Variants in PTGR2 observed in about 807,000 individuals in gnomAD.
PTGR2 encodes the protein prostaglandin reductase 2, also known as 15-oxoprostaglandin 13-reductase.
PTGR2 carries 32 observed loss-of-function variants against 43.4 expected under a neutral mutation model. The ratio of observed to expected loss-of-function variants is 0.74; its 90% CI spans 0.56 to 0.99. PTGR2 has a LOEUF of 0.99. PTGR2 is among the 50% of genes least tolerant of loss of function. PTGR2 has a pLI of 0.00. For missense variants in PTGR2, 373 were observed against 420.0 expected (o/e 0.89, Z 0.98); for synonymous variants, 106 against 139.2 (o/e 0.76, Z 1.68).
chr14:73,874,244 T>C, intron 4 of PTGR2, 30 bp downstream of exon 4: 3 of 1,488,428 alleles, frequency 2.0e-6, no homozygotes, highest in Non-Finnish European at 2.8e-6. Context: ...ATCTGATTTT[T>C]TTTCCCCGTA....
chr14:73,877,275 A>C lies in PTGR2; in HGVS notation c.519+107A>C, dbSNP rs186409014. On this transcript the variant is annotated intron_variant, in intron 5 of 9. Coordinates refer to ENST00000555661, the MANE Select transcript of PTGR2 (RefSeq NM_001146154.2). ...ACCATTAAAAATATAAAATTGGATA[A>C]ATTTTTTTTTTCTTTTTTGAGACAG... is the stretch of plus-strand genomic sequence containing the variant. 6.0e-4 allele frequency: 675 copies of C among 1,127,974 alleles called. 1 individual carries two copies. In the African/African-American group the frequency reaches 9.7e-3, roughly 16 times the overall value. The allele number at this position is 1,127,974 out of a possible 1,614,324, so 69.9% of individuals were successfully genotyped here.
At chr14:73,880,212 A>T (rs760226463) in intron 7 of PTGR2, 36 bp downstream of exon 7, 2 of 1,609,098 alleles carry the variant, frequency 1.2e-6, no homozygotes, top group Admixed American at 3.3e-5. Context: ...TACCAGGTTC[A>T]TGGGGTTTTA....
At chr14:73,880,803 T>C (rs2054968689) in intron 7 of PTGR2, among the ~76,000 whole-genome samples, 1 of 151,970 alleles carries the variant, frequency 6.6e-6, no homozygotes, top group Admixed American at 6.6e-5. Context: ...CAGACAAAAA[T>C]TATTATTATT....
intron 3 of PTGR2, among the ~76,000 whole-genome samples, chr14:73,866,917 C>A (rs562487245): frequency 6.6e-6 from 1 of 151,768 alleles, no homozygotes; most frequent in Non-Finnish European, 1.5e-5. Flanking sequence ...GGTGAAACCC[C>A]GTCTCTACTA....
chr14:73,862,584 G>A (rs773297557), intron 3 of PTGR2, among the ~76,000 whole-genome samples: 3 of 152,072 alleles, frequency 2.0e-5, no homozygotes, highest in Non-Finnish European at 4.4e-5. Context: ...ACAAAGGATC[G>A]CTTATTGATC....
At chr14:73,868,215 G>A (rs1306772793) in intron 3 of PTGR2, among the ~76,000 whole-genome samples, 2 of 152,072 alleles carry the variant, frequency 1.3e-5, no homozygotes, top group African/African-American at 4.8e-5. Context: ...CTTGAGCCCG[G>A]GAGGCCGAGG....
chr14:73,881,199 C>T lies in PTGR2; in HGVS notation c.852-6C>T. 2 of 1,564,860 alleles carry T rather than the reference C, an allele frequency of 1.3e-6. No individual in the cohort carries two copies. The highest frequency in any genetic ancestry group is 1.8e-6 in the Non-Finnish European group (2 of 1,135,358). ...CTGATCATTATCCTTTTCTTCCTCA[C>T]TGCAGGGAAAGATTTCTGGTATTAA... On this transcript the variant is annotated splice_polypyrimidine_tract_variant and splice_region_variant and intron_variant, in intron 7 of 9. Transcript: ENST00000555661.
At chr14:73,882,270 C>T (rs2055007738) in intron 8 of PTGR2, 129 bp from the exon 9 acceptor site, 2 of 647,736 alleles carry the variant, frequency 3.1e-6, no homozygotes, top group South Asian at 4.1e-5. Flanking sequence ...GGGCTACCTA[C>T]ATGAAATAAA....
intron 9 of PTGR2, among the ~76,000 whole-genome samples, chr14:73,883,170 T>G (rs2055036217): frequency 7.6e-6 from 1 of 131,928 alleles, no homozygotes; most frequent in African/African-American, 2.8e-5. Flanking sequence ...TTCCCTGCCC[T>G]TCCCTCCCCT....
chr14:73,878,599 G>T, intron 5 of PTGR2: 2 of 417,786 alleles, frequency 4.8e-6, no homozygotes, highest in Admixed American at 2.8e-5. Context: ...GTAGCTCCTG[G>T]TCAGCCACCG....
intron 4 of PTGR2, 117 bp from the exon 5 acceptor site, chr14:73,876,881 G>T: frequency 1.5e-6 from 1 of 685,772 alleles, no homozygotes; most frequent in South Asian, 2.2e-5. Context: ...CTGGGGCTTA[G>T]GGCTTTACTA....
intron 3 of PTGR2, among the ~76,000 whole-genome samples, chr14:73,873,558 G>A (rs969919548): frequency 6.0e-5 from 9 of 150,776 alleles, no homozygotes; most frequent in Non-Finnish European, 1.3e-4. Context: ...TCCACCTCCC[G>A]AGTTCAATTG....
intron 1 of PTGR2, among the ~76,000 whole-genome samples, chr14:73,855,911 C>T (rs1054077769): frequency 2.0e-5 from 3 of 151,256 alleles, no homozygotes; most frequent in Non-Finnish European, 3.0e-5. Context: ...CAAAAATTAG[C>T]CGGGCATGGT....
chr14:73,873,412 T>A (rs772033402), intron 3 of PTGR2, among the ~76,000 whole-genome samples: 2 of 152,182 alleles, frequency 1.3e-5, no homozygotes, highest in Admixed American at 1.3e-4. Context: ...TTGTTTGTGG[T>A]GAGAACACTT....
intron 4 of PTGR2, chr14:73,874,494 G>A (rs908927076): frequency 2.0e-6 from 1 of 499,416 alleles, no homozygotes; most frequent in Non-Finnish European, 3.9e-6. Flanking sequence ...ATGTGCACTG[G>A]AGCCTCACAG....
chr14:73,880,365 G>T, intron 7 of PTGR2, 189 bp downstream of exon 7: 2 of 576,306 alleles, frequency 3.5e-6, no homozygotes, highest in Non-Finnish European at 6.1e-6. Context: ...TTGAGGCCAG[G>T]AGTTCAAAAC....
intron 3 of PTGR2, among the ~76,000 whole-genome samples, chr14:73,862,094 G>A (rs553684113): frequency 6.6e-6 from 1 of 151,692 alleles, no homozygotes. Flanking sequence ...GGCCAGCCTG[G>A]TGTCAAACTG....
rs1005787532 is a variant in PTGR2 at position 73,873,768 on chromosome 14, A to G, written c.157-255A>G. 3.9e-5 allele frequency among the ~76,000 whole-genome samples: 6 copies of G among 152,112 alleles called. 1 individual carries two copies. Among genetic ancestry groups the G allele is most frequent in the Non-Finnish European group, 7.4e-5 (5 of 68,008 alleles). On this transcript the variant is annotated intron_variant, in intron 3 of 9. Coordinates refer to ENST00000555661, the MANE Select transcript of PTGR2 (RefSeq NM_001146154.2). ...CCTGAGCCACCGTTCCCAGCCAGTG[A>G]CAATTTTCAAGTATACAATACATTG...
At chr14:73,870,761 G>C (rs189358770) in intron 3 of PTGR2, among the ~76,000 whole-genome samples, 5 of 152,276 alleles carry the variant, frequency 3.3e-5, no homozygotes, top group Admixed American at 3.3e-4. Context: ...AAAGTGGTGG[G>C]TTTACAGATG....
Sources: allele counts gnomAD v4.1 joint callset (sites outside exome capture counted in the v4.1 genomes callset), GRCh38; gene constraint gnomAD v4.1.1; transcripts MANE v1.5; gene names NCBI Gene and HGNC (gene_info 2026-07-23, HGNC 2026-07-21).